Variants in ERG28 observed in about 807,000 individuals in gnomAD.
ERG28 encodes ergosterol biosynthetic protein 28 homolog.
In ERG28, 9 loss-of-function variants were observed where a neutral mutation model predicts 15.7. The observed-to-expected ratio is 0.57, with a 90% CI of 0.35 to 1.00. The LOEUF (loss-of-function observed/expected upper bound fraction) is 1.00. Among genes scored for constraint, ERG28 ranks in the 50% least tolerant of loss-of-function variants. The probability of loss-of-function intolerance (pLI) is 0.02; values close to 1 mark genes in which losing one functional copy is unlikely to be tolerated. For missense variants in ERG28, 117 were observed against 173.3 expected (o/e 0.68, Z 1.82); for synonymous variants, 61 against 68.4 (o/e 0.89, Z 0.53).
chr14:75,653,978 A>G (rs1279436213), intron 3 of ERG28, among the ~76,000 whole-genome samples: 3 of 152,174 alleles, frequency 2.0e-5, no homozygotes, highest in Non-Finnish European at 4.4e-5. Context: ...TGAAGAGATC[A>G]AACGGCTAAT....
chr14:75,659,762 GCTTT>G (rs776962077), intron 1 of ERG28, among the ~76,000 whole-genome samples: 4 of 152,080 alleles, frequency 2.6e-5, no homozygotes, highest in Non-Finnish European at 4.4e-5. Context: ...AAACTAACAG[GCTTT>G]CTTTGTCACT....
chr14:75,659,925 G>A (rs1594825144), intron 1 of ERG28, among the ~76,000 whole-genome samples: 1 of 151,670 alleles, frequency 6.6e-6, no homozygotes, highest in Admixed American at 6.6e-5. Context: ...GAGAAGGAAG[G>A]GTGAATTGAT....
chr14:75,657,454 T>C lies in ERG28; in HGVS notation c.49A>G (p.Ile17Val), dbSNP rs763726727. ...TGCAGCGTGTTCCCCATGGCTATGATGGACACCATAACCAGCCAACTTCTT... is the reference window on the plus strand; with the variant it reads ...TGCAGCGTGTTCCCCATGGCTATGACGGACACCATAACCAGCCAACTTCTT... ...VLRSWLVMVSIIAMGNTLQSF... is the reference protein window; with the variant it reads ...VLRSWLVMVSVIAMGNTLQSF... The change falls in exon 2 of 5, where the codon ATC becomes GTC. Residue 17 changes from isoleucine to valine, a missense_variant. Physicochemically the swap from Ile to Val is conservative, Grantham distance 29. Transcript: ENST00000256319. The C allele has an allele frequency of 6.2e-7, 1 of 1,614,144 alleles. No individual in the cohort carries two copies. The highest frequency in any genetic ancestry group is 8.5e-7 in the Non-Finnish European group (1 of 1,179,994).
At chr14:75,655,067 T>C (rs919969596) in intron 2 of ERG28, 91 bp from the exon 3 acceptor site, 17 of 1,315,018 alleles carry the variant, frequency 1.3e-5, no homozygotes, top group Non-Finnish European at 1.8e-5. Context: ...TCATGGGAGA[T>C]AGGGAGCTGG....
intron 3 of ERG28, among the ~76,000 whole-genome samples, chr14:75,652,980 C>G (rs943219499): frequency 1.3e-5 from 2 of 151,866 alleles, no homozygotes; most frequent in East Asian, 3.9e-4. Context: ...CACACCACCA[C>G]GCCCAGCTAA....
intron 3 of ERG28, among the ~76,000 whole-genome samples, chr14:75,653,039 G>T (rs1003797331): frequency 1.3e-4 from 19 of 151,848 alleles, no homozygotes; most frequent in African/African-American, 4.1e-4. Flanking sequence ...GGCCAAGCTG[G>T]TCTCAAACTC....
intron 3 of ERG28, among the ~76,000 whole-genome samples, chr14:75,654,188 C>T (rs1008540687): frequency 6.6e-6 from 1 of 152,186 alleles, no homozygotes; most frequent in African/African-American, 2.4e-5. Flanking sequence ...CCCCAGATGC[C>T]AAGAGCCTGG....
chr14:75,653,292 T>C (rs1351334677), intron 3 of ERG28, among the ~76,000 whole-genome samples: 1 of 151,574 alleles, frequency 6.6e-6, no homozygotes, highest in Non-Finnish European at 1.5e-5. Flanking sequence ...TGAAAGTAAA[T>C]GGTAACTGAG....
Position 75,651,800 on chromosome 14 carries a change from A to G in ERG28, c.314T>C (p.Ile105Thr). The change falls in exon 4 of 5, where the codon ATT becomes ACT. Residue 105 changes from isoleucine (I) to threonine (T), a missense_variant. Transcript: ENST00000256319. ...LFVYGTAAPT[I>T]GVLAPLMVAS... ...CACCATCAGGGGTGCCAGGACGCCA[A>G]TCGTGGGAGCTGCAGTTCCATAGAC... 3.1e-6 allele frequency: 5 copies of G among 1,614,118 alleles called. No homozygotes were observed. The highest frequency in any genetic ancestry group is 4.2e-6 in the Non-Finnish European group (5 of 1,179,954).
At chr14:75,654,380 G>C (rs1384292504) in intron 3 of ERG28, among the ~76,000 whole-genome samples, 3 of 152,216 alleles carry the variant, frequency 2.0e-5, no homozygotes, top group African/African-American at 7.2e-5. Context: ...ACCCTGGTCT[G>C]TTTGAGTACC....
At chr14:75,659,145 T>A (rs1890636438) in intron 1 of ERG28, among the ~76,000 whole-genome samples, 1 of 152,190 alleles carries the variant, frequency 6.6e-6, no homozygotes, top group Non-Finnish European at 1.5e-5. Context: ...ACAGAGAGGT[T>A]AAACAAGTTT....
intron 3 of ERG28, among the ~76,000 whole-genome samples, 176 bp downstream of exon 3, chr14:75,654,710 T>G (rs576527455): frequency 1.3e-5 from 2 of 152,360 alleles, no homozygotes; most frequent in East Asian, 3.9e-4. Flanking sequence ...TGAAGACCTG[T>G]TAGGTCTACT....
At chr14:75,658,812 G>A (rs1356049718) in intron 1 of ERG28, among the ~76,000 whole-genome samples, 1 of 152,154 alleles carries the variant, frequency 6.6e-6, no homozygotes, top group Non-Finnish European at 1.5e-5. Flanking sequence ...CTCCTTCAAA[G>A]TAACTGTCTC....
intron 2 of ERG28, 77 bp downstream of exon 2, chr14:75,657,293 A>C: frequency 6.5e-7 from 1 of 1,526,864 alleles, no homozygotes; most frequent in Non-Finnish European, 8.9e-7. Context: ...TCTGATGTAC[A>C]GCCTGGTTTG....
intron 3 of ERG28, among the ~76,000 whole-genome samples, chr14:75,652,817 C>CTTTTTT (rs59570063): frequency 7.3e-4 from 70 of 96,214 alleles, no homozygotes; most frequent in South Asian, 1.1e-3. Flanking sequence ...ATTTTTACAC[C>CTTTTTT]TTTTTTTTTT....
intron 3 of ERG28, among the ~76,000 whole-genome samples, chr14:75,654,251 G>A (rs1414581412): frequency 6.6e-6 from 1 of 152,168 alleles, no homozygotes; most frequent in East Asian, 1.9e-4. Flanking sequence ...AGCCTCCCTC[G>A]GTGACCTGAA....
chr14:75,655,820 G>A (rs1312377413), intron 2 of ERG28, among the ~76,000 whole-genome samples: 2 of 152,154 alleles, frequency 1.3e-5, no homozygotes, highest in African/African-American at 4.8e-5. Context: ...ATTGAGCTAA[G>A]GCATCCAGTG....
At chr14:75,656,896 C>G (rs1308993725) in intron 2 of ERG28, among the ~76,000 whole-genome samples, 2 of 152,106 alleles carry the variant, frequency 1.3e-5, no homozygotes, top group East Asian at 3.8e-4. Flanking sequence ...ATGTAAGCCC[C>G]AGAATCATGT....
At chr14:75,655,936 A>C (rs1890590112) in intron 2 of ERG28, among the ~76,000 whole-genome samples, 1 of 152,202 alleles carries the variant, frequency 6.6e-6, no homozygotes, top group South Asian at 2.1e-4. Context: ...TGAAAAGTCT[A>C]CTAATGTTTA....
Sources: allele counts gnomAD v4.1 joint callset (sites outside exome capture counted in the v4.1 genomes callset), GRCh38; gene constraint gnomAD v4.1.1; transcripts MANE v1.5; gene names NCBI Gene and HGNC (gene_info 2026-07-23, HGNC 2026-07-21).